The following MYOCD variants were observed in gnomAD, a reference collection of about 807,000 sequenced individuals.
MYOCD encodes myocardin.
A neutral mutation model predicts 96.1 loss-of-function variants in MYOCD; 32 were observed. The ratio of observed to expected loss-of-function variants is 0.33; its 90% CI spans 0.25 to 0.45. MYOCD has a LOEUF of 0.45. MYOCD is among the 20% of genes least tolerant of loss of function. The pLI is 1.00. For missense variants in MYOCD, 1,133 were observed against 1,200.6 expected, an observed-to-expected ratio of 0.94 and a Z score of 0.83; for synonymous variants, 469 against 469.0, an observed-to-expected ratio of 1.00 and a Z score of 0.00.
chr17:12,701,845 T>C (rs141450371), intron 1 of MYOCD, among the ~76,000 whole-genome samples: 96 of 152,262 alleles, frequency 6.3e-4, no homozygotes, highest in African/African-American at 2.2e-3. Context: ...AGAAATGTAT[T>C]GCCAAAGATT....
At chr17:12,694,409 G>C (rs1597745490) in intron 1 of MYOCD, among the ~76,000 whole-genome samples, 1 of 152,154 alleles carries the variant, frequency 6.6e-6, no homozygotes, top group African/African-American at 2.4e-5. Context: ...AGAGAGGGAT[G>C]GGTGCATTTG....
chr17:12,761,083 C>G (rs12449980), intron 13 of MYOCD: 4,593 of 174,370 alleles, frequency 0.026, 324 homozygotes, highest in East Asian at 0.18. Flanking sequence ...TTTGTGCTAC[C>G]TACTCAAAGT....
intron 5 of MYOCD, among the ~76,000 whole-genome samples, chr17:12,727,626 G>C (rs897547692): frequency 1.3e-5 from 2 of 152,114 alleles, no homozygotes; most frequent in Non-Finnish European, 2.9e-5. Flanking sequence ...TTTCTGCCAA[G>C]CTCTGAGAGG....
Position 12,722,929 on chromosome 17 carries a change from T to G in MYOCD, c.336T>G (p.Ile112Met), listed in dbSNP as rs755787732. The change falls in exon 5 of 14, where the codon ATT (isoleucine) becomes ATG (methionine). Residue 112 changes from isoleucine to methionine, a missense_variant. By Grantham distance (10) the Ile-to-Met change is conservative. Coordinates refer to ENST00000425538, the MANE Select transcript of MYOCD (RefSeq NM_001146312.3). ...TCGCCGATGATCTCAATGAAAAAAT[T>G]GCTCTACGACCAGGGCCACTGGAGC... ...ARLADDLNEK[I>M]ALRPGPLELV... 1 of 1,614,040 alleles carries G rather than the reference T, an allele frequency of 6.2e-7. No individual in the cohort carries two copies. Among genetic ancestry groups the G allele is most frequent in the Non-Finnish European group, 8.5e-7 (1 of 1,179,968 alleles).
At chr17:12,680,584 C>T (rs1342384462) in intron 1 of MYOCD, among the ~76,000 whole-genome samples, 8 of 152,184 alleles carry the variant, frequency 5.3e-5, no homozygotes, top group Non-Finnish European at 1.2e-4. Context: ...TTCCCGGAGG[C>T]CCCTCCCACC....
intron 6 of MYOCD, among the ~76,000 whole-genome samples, chr17:12,738,470 CAG>C (rs2032408312): frequency 6.6e-6 from 1 of 152,160 alleles, no homozygotes; most frequent in Non-Finnish European, 1.5e-5. Context: ...AACACACACA[CAG>C]ACTCACATAT....
chr17:12,717,559 C>A, intron 4 of MYOCD, 138 bp downstream of exon 4: 1 of 698,582 alleles, frequency 1.4e-6, no homozygotes, highest in Non-Finnish European at 2.4e-6. Context: ...TTCAAGTAAT[C>A]ATCTAAGCCT....
intron 7 of MYOCD, 84 bp from the exon 8 acceptor site, chr17:12,744,099 A>G: frequency 6.6e-7 from 1 of 1,513,372 alleles, no homozygotes; most frequent in Non-Finnish European, 8.9e-7. Flanking sequence ...CCATCAGACA[A>G]AACTGCCTCA....
At chr17:12,684,301 G>A (rs938327097) in intron 1 of MYOCD, among the ~76,000 whole-genome samples, 4 of 152,074 alleles carry the variant, frequency 2.6e-5, no homozygotes, top group Non-Finnish European at 5.9e-5. Flanking sequence ...CTCCTAAAAT[G>A]TCAATGTTAC....
At chr17:12,743,243 T>G (rs979932062) in intron 7 of MYOCD, among the ~76,000 whole-genome samples, 10 of 152,150 alleles carry the variant, frequency 6.6e-5, no homozygotes, top group Admixed American at 2.0e-4. Context: ...CTTCCCATAA[T>G]AAGTAAAGTG....
chr17:12,700,954 C>T (rs1297601525), intron 1 of MYOCD, among the ~76,000 whole-genome samples: 1 of 152,014 alleles, frequency 6.6e-6, no homozygotes, highest in Non-Finnish European at 1.5e-5. Context: ...ATTTAATAAA[C>T]ATATTGCTAT....
At chr17:12,730,392 G>A (rs1029427201) in intron 5 of MYOCD, among the ~76,000 whole-genome samples, 4 of 149,970 alleles carry the variant, frequency 2.7e-5, no homozygotes, top group Non-Finnish European at 5.9e-5. Context: ...AAGTTGCAGT[G>A]AGCCAAGATC....
chr17:12,700,650 G>A (rs1238600559), intron 1 of MYOCD, among the ~76,000 whole-genome samples: 1 of 151,768 alleles, frequency 6.6e-6, no homozygotes, highest in African/African-American at 2.4e-5. Flanking sequence ...TCCTGACCTC[G>A]TGATCCACCC....
At chr17:12,694,874 G>GA (rs2030660849) in intron 1 of MYOCD, among the ~76,000 whole-genome samples, 1 of 35,810 alleles carries the variant, frequency 2.8e-5, no homozygotes, top group Non-Finnish European at 5.8e-5. Flanking sequence ...ATGACTTAAG[G>GA]AATAACCAAA....
chr17:12,689,327 C>G (rs1281225882), intron 1 of MYOCD, among the ~76,000 whole-genome samples: 1 of 152,066 alleles, frequency 6.6e-6, no homozygotes, highest in Non-Finnish European at 1.5e-5. Flanking sequence ...AATCCTGAAG[C>G]CTTGATTTGG....
At chr17:12,695,778 C>T (rs890687530) in intron 1 of MYOCD, among the ~76,000 whole-genome samples, 1 of 152,188 alleles carries the variant, frequency 6.6e-6, no homozygotes, top group African/African-American at 2.4e-5. Flanking sequence ...TACACTCACA[C>T]TGTTGTATAA....
chr17:12,753,041 G>A lies in MYOCD; in HGVS notation c.1753G>A (p.Val585Ile). 5 of 1,614,212 alleles carry A rather than the reference G, an allele frequency of 3.1e-6. No individual in the cohort carries two copies. The highest frequency in any genetic ancestry group is 4.2e-6 in the Non-Finnish European group (5 of 1,180,044). Residue 585 changes from valine to isoleucine, a missense_variant, in exon 10 of 14, where the codon GTA (valine) becomes ATA (isoleucine). Coordinates refer to ENST00000425538, the MANE Select transcript of MYOCD (RefSeq NM_001146312.3). ...CTCCAGCTGTCCTTTTGCATCCCAA[G>A]TACCTGTGAAAAGACAAAGCAGCAG... ...AVSSCPFASQVPVKRQSSSSE... is the reference protein window; with the variant it reads ...AVSSCPFASQIPVKRQSSSSE...
At chr17:12,700,026 A>C (rs1001108838) in intron 1 of MYOCD, among the ~76,000 whole-genome samples, 8 of 148,504 alleles carry the variant, frequency 5.4e-5, no homozygotes, top group Middle Eastern at 3.6e-3. Context: ...CTCCTGCCTC[A>C]GCCTCCCGAG....
chr17:12,767,985 G>A lies in MYOCD; in HGVS notation c.*4341G>A, dbSNP rs1262191868. The A allele has an allele frequency of 1.3e-5, 2 of 152,186 alleles. No individual in the cohort carries two copies. The highest frequency in any genetic ancestry group is 4.8e-5 in the African/African-American group (2 of 41,440). The allele number at this position is 152,186 out of a possible 1,614,324, so 9.4% of individuals were successfully genotyped here. ...TGATTTCCCCCCACAGCCCTCAGCT[G>A]CCTTCCTCACAGAAGGAAGTTCCCA... On this transcript the variant is annotated 3_prime_UTR_variant, in exon 14 of 14. Coordinates refer to ENST00000425538, the MANE Select transcript of MYOCD (RefSeq NM_001146312.3).
Sources: allele counts gnomAD v4.1 joint callset (sites outside exome capture counted in the v4.1 genomes callset), GRCh38; gene constraint gnomAD v4.1.1; transcripts MANE v1.5; gene names NCBI Gene and HGNC (gene_info 2026-07-23, HGNC 2026-07-21).